NCOA1: variants seen among roughly 807,000 people sequenced by gnomAD.
NCOA1 encodes the protein nuclear receptor coactivator 1, also known as Hin-2 protein.
A neutral mutation model predicts 150.9 loss-of-function variants in NCOA1; 35 were observed. That is an observed-to-expected ratio of 0.23 (90% CI 0.18 to 0.31). The LOEUF is 0.31. Among genes scored for constraint, NCOA1 ranks in the 10% least tolerant of loss-of-function variants. The pLI, the probability that NCOA1 is intolerant of heterozygous loss-of-function variation, is 1.00. For missense variants in NCOA1, 1,491 were observed against 1,749.3 expected (o/e 0.85, Z 2.63); for synonymous variants, 590 against 630.0 (o/e 0.94, Z 0.95).
At chr2:24,762,091 G>T (rs777423187) in intron 21 of NCOA1, among the ~76,000 whole-genome samples, 2 of 152,270 alleles carry the variant, frequency 1.3e-5, no homozygotes, top group African/African-American at 4.8e-5. Context: ...CAGGGAGCCT[G>T]CCAGGCGCTG....
intron 1 of NCOA1, among the ~76,000 whole-genome samples, chr2:24,500,209 A>G (rs1297390782): frequency 2.6e-5 from 4 of 152,042 alleles, no homozygotes; most frequent in Non-Finnish European, 4.4e-5. Flanking sequence ...CCCAGGTTCA[A>G]GTGATTCTCC....
In NCOA1 at chr2:24,768,566, G is replaced by A; in HGVS notation, c.*175G>A. ...AGGAGTTTGCTTTTGTCGGGAGATT[G>A]AAAGATGTTTTTGTTTCTTTCTTTG... On this transcript the variant is annotated 3_prime_UTR_variant, in exon 23 of 23. Transcript: ENST00000348332. 2.2e-6 allele frequency: 1 copy of A among 447,822 alleles called. No homozygotes were observed. Among genetic ancestry groups the A allele is most frequent in the Non-Finnish European group, 3.5e-6 (1 of 289,834 alleles). 27.7% of individuals were successfully genotyped at this position (447,822 alleles called of 1,614,324 possible). A position where few individuals can be genotyped will look rare whatever the true frequency, so the allele number is the denominator to read the frequency against.
intron 1 of NCOA1, among the ~76,000 whole-genome samples, chr2:24,553,200 A>G (rs1665937379): frequency 6.6e-6 from 1 of 151,132 alleles, no homozygotes; most frequent in Non-Finnish European, 1.5e-5. Context: ...ATCATGAATG[A>G]TGTGGAAGTT....
intron 2 of NCOA1, among the ~76,000 whole-genome samples, chr2:24,581,078 C>T (rs549691340): frequency 6.6e-6 from 1 of 152,168 alleles, no homozygotes; most frequent in South Asian, 2.1e-4. Context: ...AGTTCTTGCC[C>T]ACATTGATTT....
At chr2:24,534,172 G>T (rs2148174080) in intron 1 of NCOA1, among the ~76,000 whole-genome samples, 1 of 152,270 alleles carries the variant, frequency 6.6e-6, no homozygotes, top group South Asian at 2.1e-4. Context: ...TTAGTCTTGG[G>T]AAGGTGTATG....
chr2:24,674,620 A>G (rs1671826022), intron 7 of NCOA1, among the ~76,000 whole-genome samples: 1 of 152,192 alleles, frequency 6.6e-6, no homozygotes, highest in African/African-American at 2.4e-5. Context: ...TTATTCAACA[A>G]AGATTTGTTG....
In NCOA1 at chr2:24,541,759, C is replaced by T. The variant is rs959602251; in HGVS notation, c.-395-22536C>T. ...ATTCTGGAAGAACATGGCCATCCCTCTTGTAGTGTGAGCCAACAGAAAATT... is the reference window on the plus strand; with the variant it reads ...ATTCTGGAAGAACATGGCCATCCCTTTTGTAGTGTGAGCCAACAGAAAATT... On this transcript the variant is annotated intron_variant, in intron 1 of 22. Transcript: ENST00000348332. 1.2e-4 allele frequency among the ~76,000 whole-genome samples: 18 copies of T among 152,312 alleles called. 1 individual carries two copies. In the East Asian group the frequency reaches 3.1e-3, roughly 26 times the overall value.
rs539789836 is a variant in NCOA1, at chr2:24,728,568, T to C, written c.2886+92T>C. On this transcript the variant is annotated intron_variant, in intron 16 of 22. Coordinates refer to ENST00000348332, the MANE Select transcript of NCOA1 (RefSeq NM_003743.5). ...AGATTTTAAAGTATTGTACCCACTA[T>C]GCTTTAGCTGTTTTATAATTTACCT... The C allele has an allele frequency of 6.6e-6, 7 of 1,067,606 alleles. No individual in the cohort carries two copies. The East Asian group carries it at 1.7e-4, about 26-fold the overall frequency. The allele number at this position is 1,067,606 out of a possible 1,614,324, so 66.1% of individuals were successfully genotyped here.
At chr2:24,741,754 T>C in intron 18 of NCOA1, 30 bp from the exon 19 acceptor site, 1 of 1,581,248 alleles carries the variant, frequency 6.3e-7, no homozygotes, top group Non-Finnish European at 8.6e-7. Context: ...TATAATAATT[T>C]TAGTAAGTGA....
intron 9 of NCOA1, 146 bp from the exon 10 acceptor site, chr2:24,693,106 G>A (rs764975375): frequency 5.7e-5 from 39 of 687,868 alleles, no homozygotes; most frequent in Non-Finnish European, 9.3e-5. Flanking sequence ...CACCCACCTC[G>A]GCCTCCCAAA....
chr2:24,625,750 TG>T (rs1245201094), intron 3 of NCOA1, among the ~76,000 whole-genome samples: 1,292 of 69,354 alleles, frequency 0.019, 28 homozygotes, highest in African/African-American at 0.039. Context: ...TTTTCTGTTT[TG>T]TTTTTTTTTT....
intron 1 of NCOA1, among the ~76,000 whole-genome samples, chr2:24,556,375 AT>A (rs1666072411): frequency 6.6e-6 from 1 of 152,134 alleles, no homozygotes; most frequent in South Asian, 2.1e-4. Context: ...TATGTACCAC[AT>A]TTTGTTTAGT....
intron 5 of NCOA1, among the ~76,000 whole-genome samples, chr2:24,662,615 C>G (rs1357950213): frequency 6.6e-6 from 1 of 152,148 alleles, no homozygotes; most frequent in African/African-American, 2.4e-5. Flanking sequence ...ACCAGGAACT[C>G]TGCCAAGCAT....
In NCOA1 at chr2:24,691,518, A is replaced by G; in HGVS notation, c.570A>G (p.Arg190=). Residue 190 remains arginine (R), a synonymous_variant, in exon 9 of 23, where the codon CGA becomes CGG. Coordinates refer to ENST00000348332, the MANE Select transcript of NCOA1 (RefSeq NM_003743.5). ...CTTGGCCTCAAGAGGCAACACGACG[A>G]AATAGCCATACCTTTAACTGCAGGA... ...GVPWPQEATR[R]NSHTFNCRML... 6.2e-7 allele frequency: 1 copy of G among 1,614,160 alleles called. No individual in the cohort carries two copies. Among genetic ancestry groups the G allele is most frequent in the Non-Finnish European group, 8.5e-7 (1 of 1,179,992 alleles).
chr2:24,577,682 A>G (rs1012302430), intron 2 of NCOA1, among the ~76,000 whole-genome samples: 1 of 152,224 alleles, frequency 6.6e-6, no homozygotes, highest in African/African-American at 2.4e-5. Flanking sequence ...TGACAGATTG[A>G]TATCCAGCAC....
intron 1 of NCOA1, among the ~76,000 whole-genome samples, chr2:24,556,282 A>T (rs1666067583): frequency 6.6e-6 from 1 of 152,192 alleles, no homozygotes; most frequent in African/African-American, 2.4e-5. Flanking sequence ...GTTGCTGAGG[A>T]TAATGGCTTC....
intron 10 of NCOA1, among the ~76,000 whole-genome samples, chr2:24,693,828 G>A (rs993648870): frequency 6.6e-6 from 1 of 151,890 alleles, no homozygotes; most frequent in African/African-American, 2.4e-5. Context: ...GATGTATATG[G>A]TTGAACAAAA....
At chr2:24,511,930 C>G (rs1663951716) in intron 1 of NCOA1, among the ~76,000 whole-genome samples, 2 of 151,970 alleles carry the variant, frequency 1.3e-5, no homozygotes, top group Non-Finnish European at 1.5e-5. Context: ...GGGACAAAAG[C>G]TCATTATATT....
intron 1 of NCOA1, among the ~76,000 whole-genome samples, chr2:24,504,476 T>G (rs1663608547): frequency 6.6e-6 from 1 of 152,244 alleles, no homozygotes; most frequent in African/African-American, 2.4e-5. Context: ...TTTGCCTTAC[T>G]ATAGCAGAAT....
Sources: allele counts gnomAD v4.1 joint callset (sites outside exome capture counted in the v4.1 genomes callset), GRCh38; gene constraint gnomAD v4.1.1; transcripts MANE v1.5; gene names NCBI Gene and HGNC (gene_info 2026-07-23, HGNC 2026-07-21).